Variants in APOBEC3D observed in about 807,000 individuals in gnomAD.
The protein encoded by APOBEC3D is DNA dC->dU-editing enzyme APOBEC-3D.
Under a neutral mutation model 45.6 loss-of-function variants are expected in APOBEC3D, and 37 were observed. The ratio of observed to expected loss-of-function variants is 0.81; its 90% CI spans 0.62 to 1.07. The LOEUF is 1.07. Among genes scored for constraint, APOBEC3D ranks in the 50% least tolerant of loss-of-function variants. APOBEC3D has a pLI of 0.00. For missense variants in APOBEC3D, 496 were observed against 495.3 expected, an observed-to-expected ratio of 1.00 and a Z score of -0.01; for synonymous variants, 175 against 180.7, an observed-to-expected ratio of 0.97 and a Z score of 0.25.
intron 4 of APOBEC3D, among the ~76,000 whole-genome samples, chr22:39,028,164 G>A (rs1219093417): frequency 6.6e-6 from 1 of 152,128 alleles, no homozygotes; most frequent in Non-Finnish European, 1.5e-5. Flanking sequence ...GGATGCACAC[G>A]ACCCCAGACA....
intron 4 of APOBEC3D, among the ~76,000 whole-genome samples, chr22:39,027,565 T>C (rs1410761036): frequency 6.6e-6 from 1 of 152,032 alleles, no homozygotes; most frequent in East Asian, 1.9e-4. Context: ...CCCTGGACGA[T>C]AGAAATAGAA....
At chr22:39,030,158 G>A (rs1295480785) in intron 5 of APOBEC3D, among the ~76,000 whole-genome samples, 1 of 149,716 alleles carries the variant, frequency 6.7e-6, no homozygotes, top group Non-Finnish European at 1.5e-5. Context: ...GGGCTGGTGG[G>A]GCCGCCCCCG....
chr22:39,029,680 C>A (rs566983332), intron 5 of APOBEC3D, among the ~76,000 whole-genome samples, 161 bp downstream of exon 5: 1 of 151,662 alleles, frequency 6.6e-6, no homozygotes, highest in African/African-American at 2.4e-5. Flanking sequence ...CTCATGCAAC[C>A]TCTGCCTCCC....
intron 5 of APOBEC3D, among the ~76,000 whole-genome samples, chr22:39,030,014 G>T (rs535583351): frequency 6.6e-6 from 1 of 150,752 alleles, no homozygotes; most frequent in Non-Finnish European, 1.5e-5. Flanking sequence ...CTTGTTTAGC[G>T]CCCAGCGCCC....
chr22:39,021,964 T>C (rs1057400267), intron 1 of APOBEC3D, among the ~76,000 whole-genome samples: 1 of 152,200 alleles, frequency 6.6e-6, no homozygotes, highest in Non-Finnish European at 1.5e-5. Flanking sequence ...TACAAAGTCT[T>C]AGGAGAGGGT....
At chr22:39,029,889 G>A (rs1267865062) in intron 5 of APOBEC3D, among the ~76,000 whole-genome samples, 1 of 152,216 alleles carries the variant, frequency 6.6e-6, no homozygotes, top group Non-Finnish European at 1.5e-5. Flanking sequence ...AGGATTACAG[G>A]CATGAGCCAC....
chr22:39,028,136 T>G (rs1391698265), intron 4 of APOBEC3D, among the ~76,000 whole-genome samples: 1 of 152,168 alleles, frequency 6.6e-6, no homozygotes, highest in Non-Finnish European at 1.5e-5. Context: ...CAAAGACGCC[T>G]CCGCTGTGAG....
chr22:39,029,640 T>C, intron 5 of APOBEC3D, 121 bp downstream of exon 5: 1 of 1,143,652 alleles, frequency 8.7e-7, no homozygotes, highest in Non-Finnish European at 1.1e-6. Flanking sequence ...TACATTTCTT[T>C]CTTTTTTTTT....
chr22:39,022,649 C>G (rs993701982), intron 1 of APOBEC3D, among the ~76,000 whole-genome samples, 173 bp from the exon 2 acceptor site: 1 of 152,178 alleles, frequency 6.6e-6, no homozygotes, highest in African/African-American at 2.4e-5. Flanking sequence ...CCAGCATCCC[C>G]TCCTCTTCCT....
intron 5 of APOBEC3D, among the ~76,000 whole-genome samples, chr22:39,030,196 G>T (rs954379572): frequency 6.7e-6 from 1 of 149,350 alleles, no homozygotes; most frequent in Non-Finnish European, 1.5e-5. Context: ...CGATGTCAAG[G>T]ACACATCCTC....
At chr22:39,025,770 C>T in intron 4 of APOBEC3D, 99 bp downstream of exon 4, 1 of 1,577,046 alleles carries the variant, frequency 6.3e-7, no homozygotes, top group Non-Finnish European at 8.6e-7. Context: ...TCCGTCCTGC[C>T]CCCCTGCCTG....
At chr22:39,023,811 G>A (rs936877306) in intron 2 of APOBEC3D, among the ~76,000 whole-genome samples, 1 of 151,972 alleles carries the variant, frequency 6.6e-6, no homozygotes, top group Admixed American at 6.6e-5. Context: ...CCCGGCCACC[G>A]CCCGGATTCC....
At chr22:39,031,500 G>T (rs897870998) in intron 5 of APOBEC3D, among the ~76,000 whole-genome samples, 194 bp from the exon 6 acceptor site, 1 of 152,162 alleles carries the variant, frequency 6.6e-6, no homozygotes, top group East Asian at 1.9e-4. Flanking sequence ...AGCCTGGGAG[G>T]TCAAGGCTGC....
Position 39,032,529 on chromosome 22 carries a change from T to A in APOBEC3D, c.*213T>A. ...GGCTCTCCATCCACCTCCCCAGTCC[T>A]GTTCCCCCAGCCTGGGTGCCCCTAA... On this transcript the variant is annotated 3_prime_UTR_variant, in exon 7 of 7. Coordinates refer to ENST00000216099, the MANE Select transcript of APOBEC3D (RefSeq NM_152426.4). 1 of 1,291,604 alleles carries A rather than the reference T, an allele frequency of 7.7e-7. No homozygotes were observed. Among genetic ancestry groups the A allele is most frequent in the Non-Finnish European group, 9.8e-7 (1 of 1,019,198 alleles). The allele number at this position is 1,291,604 out of a possible 1,614,324, so 80.0% of individuals were successfully genotyped here.
In APOBEC3D at chr22:39,025,676, G is replaced by A; in HGVS notation, c.605+5G>A. 1 of 1,614,038 alleles carries A rather than the reference G, an allele frequency of 6.2e-7. No homozygotes were observed. Among genetic ancestry groups the A allele is most frequent in the Non-Finnish European group, 8.5e-7 (1 of 1,179,966 alleles). ...CACGCTAAAGGAGATTCTCAGGTGA[G>A]GGTCTCCCTCTGGCCTCATCGTCTC... is the stretch of plus-strand genomic sequence containing the variant. On this transcript the variant is annotated splice_donor_5th_base_variant and intron_variant, in intron 4 of 6. Coordinates refer to ENST00000216099, the MANE Select transcript of APOBEC3D (RefSeq NM_152426.4).
At chr22:39,027,797 C>T (rs1925822903) in intron 4 of APOBEC3D, among the ~76,000 whole-genome samples, 1 of 152,162 alleles carries the variant, frequency 6.6e-6, no homozygotes, top group Admixed American at 6.5e-5. Flanking sequence ...AGGCTCTTTG[C>T]CCTGCTATGT....
intron 4 of APOBEC3D, among the ~76,000 whole-genome samples, chr22:39,026,180 C>T (rs1413273555): frequency 6.6e-6 from 1 of 152,148 alleles, no homozygotes; most frequent in Non-Finnish European, 1.5e-5. Flanking sequence ...TCTCACAGAT[C>T]TGGAGGCTGC....
At position 39,025,284 on chromosome 22, in the gene APOBEC3D, A is replaced by G; in HGVS notation, c.425A>G (p.Asp142Gly). Residue 142 changes from aspartate (D) to glycine (G), a missense_variant, in exon 3 of 7, where the codon GAT becomes GGT. Coordinates refer to ENST00000216099, the MANE Select transcript of APOBEC3D (RefSeq NM_152426.4). ...CGCCTCTACTACTACCGGGATAGAG[A>G]TTGGCGGTGGGTGCTCCTCAGGCTG... ...AARLYYYRDR[D>G]WRWVLLRLHK... 1 of 1,614,024 alleles carries G rather than the reference A, an allele frequency of 6.2e-7. No homozygotes were observed. The highest frequency in any genetic ancestry group is 8.5e-7 in the Non-Finnish European group (1 of 1,179,994).
At position 39,025,252 on chromosome 22, in the gene APOBEC3D, T is replaced by C. The variant is rs1769131429; in HGVS notation, c.393T>C (p.Ser131=). 1.2e-6 allele frequency: 2 copies of C among 1,613,962 alleles called. No individual in the cohort carries two copies. The highest frequency in any genetic ancestry group is 1.7e-6 in the Non-Finnish European group (2 of 1,180,006). ...ACCCCAATGTCACCCTGACCATCTC[T>C]GCCGCCCGCCTCTACTACTACCGGG... is the stretch of plus-strand genomic sequence containing the variant. The part of the protein sequence containing the change: ...AEHPNVTLTI[S]AARLYYYRDR... Residue 131 remains serine, a synonymous_variant, in exon 3 of 7, where the codon TCT becomes TCC. Coordinates refer to ENST00000216099, the MANE Select transcript of APOBEC3D (RefSeq NM_152426.4).
Sources: gnomAD v4.1 joint callset for allele counts (sites outside exome capture counted in the v4.1 genomes callset) on GRCh38, gnomAD v4.1.1 for gene constraint, MANE v1.5 for transcripts, NCBI Gene and HGNC (gene_info 2026-07-23, HGNC 2026-07-21) for gene names.